Variants in FOXN3 observed in about 807,000 individuals in gnomAD.
FOXN3 encodes the protein forkhead box protein N3.
A neutral mutation model predicts 38.4 loss-of-function variants in FOXN3; 7 were observed. That is an observed-to-expected ratio of 0.18 (90% CI 0.10 to 0.34). The LOEUF is 0.34. Ranked by LOEUF, FOXN3 falls within the 10% of genes least tolerant of loss-of-function variation. The pLI is 1.00. For missense variants in FOXN3, 456 were observed against 613.4 expected (o/e 0.74, Z 2.71); for synonymous variants, 230 against 242.2 (o/e 0.95, Z 0.47).
intron 1 of FOXN3, among the ~76,000 whole-genome samples, chr14:89,569,262 A>C (rs7142571): frequency 0.45 from 67,313 of 150,920 alleles, 17,468 homozygotes; most frequent in Middle Eastern, 0.6. Flanking sequence ...CTGACAGCAG[A>C]AGGGCAAAAT....
At chr14:89,619,159 C>T (rs887327809), upstream of FOXN3, 2 of 150,642 alleles carry the variant, frequency 1.3e-5, no homozygotes, top group Non-Finnish European at 3.0e-5. Flanking sequence ...CGGCCGGAAC[C>T]CCGGCTCCTG....
intron 4 of FOXN3, among the ~76,000 whole-genome samples, chr14:89,246,312 A>G (rs1885293569): frequency 6.6e-6 from 1 of 152,130 alleles, no homozygotes; most frequent in African/African-American, 2.4e-5. Flanking sequence ...TTAAGTTAAA[A>G]CATATATTTT....
chr14:89,526,045 A>C (rs1199030044), intron 1 of FOXN3, among the ~76,000 whole-genome samples: 2 of 152,178 alleles, frequency 1.3e-5, no homozygotes, highest in Non-Finnish European at 2.9e-5. Flanking sequence ...CAATAGACAC[A>C]GAAAAAATAT....
At chr14:89,471,570 C>T (rs909837343) in intron 1 of FOXN3, among the ~76,000 whole-genome samples, 3 of 151,920 alleles carry the variant, frequency 2.0e-5, no homozygotes, top group African/African-American at 7.3e-5. Flanking sequence ...GGAGACAGAG[C>T]AGGACCTTGT....
At chr14:89,455,662 G>A (rs975941711) in intron 1 of FOXN3, among the ~76,000 whole-genome samples, 4 of 152,270 alleles carry the variant, frequency 2.6e-5, no homozygotes, top group African/African-American at 4.8e-5. Flanking sequence ...GGGCGGGACC[G>A]GACCTGAGGG....
chr14:89,551,242 C>T (rs866439142), intron 1 of FOXN3, among the ~76,000 whole-genome samples: 23 of 152,304 alleles, frequency 1.5e-4, no homozygotes, highest in Middle Eastern at 3.4e-3. Flanking sequence ...ATCCTTTACA[C>T]GGGGCACCCG....
chr14:89,531,886 C>T (rs563420539), intron 1 of FOXN3, among the ~76,000 whole-genome samples: 5 of 152,154 alleles, frequency 3.3e-5, no homozygotes, highest in African/African-American at 4.8e-5. Flanking sequence ...CTCAGCTCAC[C>T]GCAACCTCCA....
chr14:89,601,996 C>A (rs1896162185), intron 1 of FOXN3, among the ~76,000 whole-genome samples: 1 of 152,160 alleles, frequency 6.6e-6, no homozygotes, highest in Non-Finnish European at 1.5e-5. Flanking sequence ...CATGGATATT[C>A]TACTATTGTT....
At chr14:89,181,724 GA>G (rs1887679944) in intron 4 of FOXN3, among the ~76,000 whole-genome samples, 1 of 152,222 alleles carries the variant, frequency 6.6e-6, no homozygotes, top group African/African-American at 2.4e-5. Flanking sequence ...CCTAAGAGGA[GA>G]ACCGCAGGGA....
At chr14:89,553,842 G>A (rs1403792892) in intron 1 of FOXN3, among the ~76,000 whole-genome samples, 1 of 152,096 alleles carries the variant, frequency 6.6e-6, no homozygotes, top group Non-Finnish European at 1.5e-5. Flanking sequence ...TTTTGCAGTT[G>A]TAAGGAGTCA....
chr14:89,249,692 A>C (rs61983084), intron 4 of FOXN3, among the ~76,000 whole-genome samples: 21,719 of 152,192 alleles, frequency 0.14, 1,908 homozygotes, highest in Middle Eastern at 0.2. Context: ...TTCGGGAGAA[A>C]GAAACACAAA....
intron 3 of FOXN3, among the ~76,000 whole-genome samples, chr14:89,291,946 T>C (rs919312016): frequency 1.3e-5 from 2 of 152,138 alleles, no homozygotes; most frequent in African/African-American, 4.8e-5. Flanking sequence ...TTTCCAGTTA[T>C]TGCTGTGTGT....
intron 2 of FOXN3, among the ~76,000 whole-genome samples, chr14:89,383,915 G>A (rs1296356762): frequency 1.3e-5 from 2 of 151,100 alleles, no homozygotes; most frequent in African/African-American, 2.4e-5. Context: ...TCGGCCTCCC[G>A]AGTAGCTGGA....
chr14:89,453,088 A>T (rs538018044), intron 1 of FOXN3, among the ~76,000 whole-genome samples: 1 of 152,166 alleles, frequency 6.6e-6, no homozygotes, highest in Non-Finnish European at 1.5e-5. Flanking sequence ...AATCCCAGAT[A>T]CTCATGAGGC....
chr14:89,431,224 T>C (rs183742894), intron 1 of FOXN3, among the ~76,000 whole-genome samples: 1 of 151,532 alleles, frequency 6.6e-6, no homozygotes, highest in African/African-American at 2.4e-5. Context: ...TGAGACAGAG[T>C]CTCTCTCTCT....
intron 4 of FOXN3, among the ~76,000 whole-genome samples, chr14:89,196,123 T>C (rs1888092616): frequency 6.6e-6 from 1 of 152,242 alleles, no homozygotes; most frequent in African/African-American, 2.4e-5. Flanking sequence ...GCCTCTTCTC[T>C]GTAGTACGAG....
chr14:89,324,478 GTGTGTGTA>G (rs967566596), intron 3 of FOXN3, among the ~76,000 whole-genome samples: 6 of 146,878 alleles, frequency 4.1e-5, no homozygotes, highest in Non-Finnish European at 6.0e-5. Context: ...GTGTGTGTGT[GTGTGTGTA>G]TGTACCCACA....
chr14:89,428,682 G>T (rs1892094344), intron 1 of FOXN3, among the ~76,000 whole-genome samples: 1 of 152,216 alleles, frequency 6.6e-6, no homozygotes, highest in Non-Finnish European at 1.5e-5. Context: ...TCCCGGAGGG[G>T]GTGCTGCCCA....
In FOXN3 at chr14:89,280,944, A is replaced by C; in HGVS notation, c.745+6T>G. The C allele has an allele frequency of 6.2e-7, 1 of 1,612,922 alleles. No homozygotes were observed. The highest frequency in any genetic ancestry group is 8.5e-7 in the Non-Finnish European group (1 of 1,179,304). On this transcript the variant is annotated splice_donor_region_variant and intron_variant, in intron 4 of 5. Coordinates refer to ENST00000557258, the MANE Select transcript of FOXN3 (RefSeq NM_005197.4). ...GGGAGAGGAAGGGGTGTTACTAGGG[A>C]CCTACCTTGGAGAAGGGCTCCATTT... is the stretch of plus-strand genomic sequence containing the variant.
Sources: allele counts gnomAD v4.1 joint callset (sites outside exome capture counted in the v4.1 genomes callset), GRCh38; gene constraint gnomAD v4.1.1; transcripts MANE v1.5; gene names NCBI Gene and HGNC (gene_info 2026-07-23, HGNC 2026-07-21).